C1RL: variants seen among roughly 807,000 people sequenced by gnomAD.
The protein encoded by C1RL is complement C1r subcomponent like.
A neutral mutation model predicts 27.9 loss-of-function variants in C1RL; 27 were observed. The ratio of observed to expected loss-of-function variants is 0.97; its 90% CI spans 0.71 to 1.33. The LOEUF (loss-of-function observed/expected upper bound fraction) is 1.33, where lower values mean the gene tolerates loss of function less well. C1RL is among the 40% of genes most tolerant of loss of function. The pLI is 0.00. For synonymous variants in C1RL, 248 were observed against 252.1 expected, an observed-to-expected ratio of 0.98 and a Z score of 0.15; for missense variants, 563 against 623.9, an observed-to-expected ratio of 0.90 and a Z score of 1.04.
At position 7,102,015 on chromosome 12, in the gene C1RL, G is replaced by A. The variant is rs770067874; in HGVS notation, c.373C>T (p.Gln125Ter). 1 of 1,614,218 alleles carries A rather than the reference G, an allele frequency of 6.2e-7. No homozygotes were observed. Among genetic ancestry groups the A allele is most frequent in the South Asian group, 1.1e-5 (1 of 91,082 alleles). The change falls in exon 3 of 6, where the codon CAG becomes TAG. Residue 125 changes from glutamine to a stop codon, truncating the protein, a stop_gained. Transcript: ENST00000266542. LOFTEE classifies it high-confidence loss of function. ...CTCCCTGAGGATACAAACTCCCTCT[G>A]ACCAGGGGGCCTGCCCAGAGGGGAG... Reference protein sequence around the residue: ...QGSPLGRPPGQREFVSSGRSL... With the variant: ...QGSPLGRPPG
chr12:7,102,038 G>A lies in C1RL; in HGVS notation c.350C>T (p.Ser117Phe). 6.2e-7 allele frequency: 1 copy of A among 1,613,842 alleles called. No individual in the cohort carries two copies. Among genetic ancestry groups the A allele is most frequent in the East Asian group, 2.2e-5 (1 of 44,874 alleles). The change falls in exon 3 of 6, where the codon TCC becomes TTC. Residue 117 changes from serine (S) to phenylalanine (F), a missense_variant. Ser to Phe is a radical substitution (Grantham distance 155). Transcript: ENST00000266542. ...CTGACCAGGGGGCCTGCCCAGAGGG[G>A]AGCCTTGCTGACCACAGAACTGGCT... is the stretch of plus-strand genomic sequence containing the variant. ...DPSQFCGQQG[S>F]PLGRPPGQRE...
chr12:7,096,154 G>A lies in C1RL; in HGVS notation c.*237C>T. ...GGGGCCTAGTGCATGAGCACAGGGAGGTAGAGGGTGAGGAGGAGCGGTCTG... is the reference window on the plus strand; with the variant it reads ...GGGGCCTAGTGCATGAGCACAGGGAAGTAGAGGGTGAGGAGGAGCGGTCTG... On this transcript the variant is annotated 3_prime_UTR_variant, in exon 6 of 6. Coordinates refer to ENST00000266542, the MANE Select transcript of C1RL (RefSeq NM_016546.4). The A allele has an allele frequency of 3.0e-6, 4 of 1,322,318 alleles. No homozygotes were observed. Among genetic ancestry groups the A allele is most frequent in the Non-Finnish European group, 3.9e-6 (4 of 1,037,230 alleles). The allele number at this position is 1,322,318 out of a possible 1,614,324, so 81.9% of individuals were successfully genotyped here.
At chr12:7,108,542 G>T in intron 1 of C1RL, 63 bp from the exon 2 acceptor site, 1 of 1,365,114 alleles carries the variant, frequency 7.3e-7, no homozygotes. Context: ...TGTGGGTGTG[G>T]GAGGAGCGGG....
chr12:7,100,862 G>C (rs892559500), intron 3 of C1RL, among the ~76,000 whole-genome samples: 6 of 152,008 alleles, frequency 3.9e-5, no homozygotes, highest in African/African-American at 1.5e-4. Context: ...TGATCTTTAA[G>C]ATATATTATT....
chr12:7,096,743 AAGCC>A lies in C1RL; in HGVS notation c.1108_1111del (p.Gly370CysfsTer15), dbSNP rs1442598425. ...GCCAAACCCACTGACGTAGCCCAAC[AAGCC>A]GCTGCGGTAGAGGGTCTCATTATCG... On this transcript the variant is annotated frameshift_variant, in exon 6 of 6. Coordinates refer to ENST00000266542, the MANE Select transcript of C1RL (RefSeq NM_016546.4). LOFTEE classifies it low-confidence loss of function (END_TRUNC). The A allele has an allele frequency of 6.2e-7, 1 of 1,611,834 alleles. No homozygotes were observed. Among genetic ancestry groups the A allele is most frequent in the African/African-American group, 1.3e-5 (1 of 74,888 alleles).
At chr12:7,105,415 G>A (rs901080777) in intron 2 of C1RL, among the ~76,000 whole-genome samples, 5 of 152,030 alleles carry the variant, frequency 3.3e-5, no homozygotes, top group South Asian at 2.1e-4. Flanking sequence ...GATTACAGGC[G>A]TACACCACCA....
Position 7,095,195 on chromosome 12 carries a change from A to G in C1RL, c.*1196T>C, listed in dbSNP as rs977687717. 6 of 1,012,500 alleles carry G rather than the reference A, an allele frequency of 5.9e-6. No homozygotes were observed. The highest frequency in any genetic ancestry group is 7.7e-6 in the Non-Finnish European group (6 of 783,866). 62.7% of individuals were successfully genotyped at this position (1,012,500 alleles called of 1,614,324 possible). A position where few individuals can be genotyped will look rare whatever the true frequency, so the allele number is the denominator to read the frequency against. On this transcript the variant is annotated 3_prime_UTR_variant, in exon 6 of 6. Coordinates refer to ENST00000266542, the MANE Select transcript of C1RL (RefSeq NM_016546.4). Reference sequence around the variant, plus strand: ...CAGTGGCGTGATCTTAGCTCACTGCAACCTCCGCCTCCCAGGTTCAAGTGA... The same window carrying G: ...CAGTGGCGTGATCTTAGCTCACTGCGACCTCCGCCTCCCAGGTTCAAGTGA...
chr12:7,102,156 G>A, intron 2 of C1RL, 69 bp from the exon 3 acceptor site: 3 of 1,492,460 alleles, frequency 2.0e-6, no homozygotes, highest in South Asian at 2.5e-5. Flanking sequence ...GCATCACAGG[G>A]GCACATCCTC....
chr12:7,107,343 AT>A (rs1938796321), intron 2 of C1RL, among the ~76,000 whole-genome samples: 1 of 151,854 alleles, frequency 6.6e-6, no homozygotes, highest in African/African-American at 2.4e-5. Flanking sequence ...TAATTTTTAA[AT>A]TTTTTTGTAG....
chr12:7,097,392 G>A (rs912223194), intron 5 of C1RL: 3 of 489,834 alleles, frequency 6.1e-6, no homozygotes, highest in Admixed American at 7.7e-5. Flanking sequence ...AAGCAATTCT[G>A]CCTCAGCCTC....
intron 2 of C1RL, 144 bp from the exon 3 acceptor site, chr12:7,102,231 G>A (rs1176358633): frequency 5.5e-6 from 4 of 721,704 alleles, no homozygotes; most frequent in Non-Finnish European, 9.1e-6. Flanking sequence ...ACCTCACAGA[G>A]GCTTCCTCAA....
intron 1 of C1RL, 30 bp downstream of exon 1, chr12:7,109,080 T>C: frequency 6.5e-7 from 1 of 1,546,390 alleles, no homozygotes; most frequent in South Asian, 1.2e-5. Context: ...CCCGTCCTCT[T>C]CCCTCCTCCT....
intron 1 of C1RL, 122 bp downstream of exon 1, chr12:7,108,988 T>TGGG (rs1158893295): frequency 3.6e-5 from 4 of 110,076 alleles, no homozygotes; most frequent in African/African-American, 2.2e-4. Context: ...TGTGTGTGTG[T>TGGG]GGGGGGGGGG....
chr12:7,100,425 A>G (rs1442905270), intron 3 of C1RL, among the ~76,000 whole-genome samples: 1 of 152,252 alleles, frequency 6.6e-6, no homozygotes, highest in Non-Finnish European at 1.5e-5. Flanking sequence ...CATGTGTGGC[A>G]GCAAAGTATC....
At chr12:7,102,214 A>G in intron 2 of C1RL, 127 bp from the exon 3 acceptor site, 4 of 885,050 alleles carry the variant, frequency 4.5e-6, no homozygotes, top group Non-Finnish European at 6.9e-6. Context: ...TCTGGGGCTC[A>G]GAAGGCACCT....
At chr12:7,108,975 GTGTGTGTGTGTGT>G (rs1351495245) in intron 1 of C1RL, 122 bp downstream of exon 1, 2,346 of 217,304 alleles carry the variant, frequency 0.011, 9 homozygotes, top group South Asian at 0.022. Flanking sequence ...AGGTGTGTGT[GTGTGTGTGTGTGT>G]GGGGGGGGGG....
At chr12:7,099,439 C>T in intron 5 of C1RL, 1 of 984,056 alleles carries the variant, frequency 1.0e-6, no homozygotes, top group Non-Finnish European at 1.2e-6. Context: ...GTCTCTCTTC[C>T]TCCTTTTCTA....
intron 3 of C1RL, among the ~76,000 whole-genome samples, chr12:7,101,108 TCCCTCCCTCCCTCCCTC>T (rs1938608169): frequency 1.2e-4 from 2 of 17,264 alleles, no homozygotes; most frequent in African/African-American, 4.4e-4. Context: ...CCTCCTTCCT[TCCCTCCCTCCCTCCCTC>T]CTTCTTCCCT....
chr12:7,108,636 C>A, intron 1 of C1RL, 157 bp from the exon 2 acceptor site: 1 of 607,088 alleles, frequency 1.6e-6, no homozygotes, highest in Non-Finnish European at 2.9e-6. Context: ...CTTCCCGTCT[C>A]CTCCCTTGCT....
Sources: allele counts gnomAD v4.1 joint callset (sites outside exome capture counted in the v4.1 genomes callset), GRCh38; gene constraint gnomAD v4.1.1; transcripts MANE v1.5; gene names NCBI Gene and HGNC (gene_info 2026-07-23, HGNC 2026-07-21).